The following PRDM16 variants were observed in gnomAD, a reference collection of about 807,000 sequenced individuals.
PRDM16 encodes PR/SET domain 16.
Under a neutral mutation model 110.6 loss-of-function variants are expected in PRDM16, and 23 were observed. The observed-to-expected ratio is 0.21, with a 90% CI of 0.15 to 0.29. The LOEUF is 0.29. Ranked by LOEUF, PRDM16 falls within the 10% of genes least tolerant of loss-of-function variation. The pLI is 1.00. For synonymous variants in PRDM16, 799 were observed against 781.8 expected (o/e 1.02, Z -0.37); for missense variants, 1,615 against 1,794.3 (o/e 0.90, Z 1.81).
Position 3,265,478 on chromosome 1 carries a change from G to A in PRDM16, c.438+21341G>A, listed in dbSNP as rs575451279. On this transcript the variant is annotated intron_variant, in intron 3 of 16. Transcript: ENST00000270722. This position sits in a 1 kb window ranked among gnomAD's most constrained non-coding sequence, Gnocchi z 4.5. ...GGACTTGGAGGCTTCCCGGTGGGAA[G>A]GTGAGTTGCCCTGCCTGCTTTTCGC... Among the ~76,000 whole-genome samples the A allele has an allele frequency of 1.3e-5, 2 of 152,070 alleles. No homozygotes were observed. The highest frequency in any genetic ancestry group is 2.9e-5 in the Non-Finnish European group (2 of 68,000).
At chr1:3,429,048 C>G (rs550987090) in intron 14 of PRDM16, among the ~76,000 whole-genome samples, 2 of 152,330 alleles carry the variant, frequency 1.3e-5, no homozygotes, top group East Asian at 3.9e-4. Flanking sequence ...ATAGGAGGGC[C>G]GAAGAGTGCC....
At chr1:3,281,908 G>T (rs1447020177) in intron 3 of PRDM16, among the ~76,000 whole-genome samples, 2 of 152,188 alleles carry the variant, frequency 1.3e-5, no homozygotes, top group Non-Finnish European at 1.5e-5. Flanking sequence ...GCCCCAGTCT[G>T]CCTGGAGCTG....
At chr1:3,126,707 G>C (rs1643216585) in intron 1 of PRDM16, among the ~76,000 whole-genome samples, 1 of 152,228 alleles carries the variant, frequency 6.6e-6, no homozygotes, top group Non-Finnish European at 1.5e-5. Flanking sequence ...TGAGGGAGGA[G>C]TAGACAGGAA....
chr1:3,435,957 CT>C lies in PRDM16; in HGVS notation c.*2147del, dbSNP rs1469114931. The C allele has an allele frequency of 4.3e-6, 1 of 230,696 alleles. No individual in the cohort carries two copies. Among genetic ancestry groups the C allele is most frequent in the African/African-American group, 2.2e-5 (1 of 45,186 alleles). The allele number at this position is 230,696 out of a possible 1,614,324, so 14.3% of individuals were successfully genotyped here. ...TGGCCCCGCCGGGGCAGCGGGGGAG[CT>C]GCCTGCAGAAGAGCCAGCTGGCGTG... On this transcript the variant is annotated 3_prime_UTR_variant, in exon 17 of 17. Coordinates refer to ENST00000270722, the MANE Select transcript of PRDM16 (RefSeq NM_022114.4).
chr1:3,173,653 C>T (rs1412971747), intron 1 of PRDM16, among the ~76,000 whole-genome samples: 2 of 152,228 alleles, frequency 1.3e-5, no homozygotes, highest in African/African-American at 2.4e-5. Context: ...GCCCCAGAGG[C>T]GTGGGCTGCG....
At chr1:3,307,856 G>C (rs1458057843) in intron 3 of PRDM16, 1 of 152,108 alleles carries the variant, frequency 6.6e-6, no homozygotes, top group African/African-American at 2.4e-5. Context: ...ACATACCAAG[G>C]CCACGTACAT....
chr1:3,126,892 G>C (rs1051957900), intron 1 of PRDM16, among the ~76,000 whole-genome samples: 2 of 152,230 alleles, frequency 1.3e-5, no homozygotes, highest in African/African-American at 4.8e-5. Context: ...CGGGCCCGCT[G>C]TCTGTTCCGG....
chr1:3,176,499 C>T (rs776755105), intron 1 of PRDM16, among the ~76,000 whole-genome samples: 2 of 151,424 alleles, frequency 1.3e-5, no homozygotes, highest in Non-Finnish European at 2.9e-5. Flanking sequence ...TCCATCCATC[C>T]ACCCACCCAT....
chr1:3,411,156 CACAG>C (rs1340950926), intron 8 of PRDM16, among the ~76,000 whole-genome samples: 3 of 152,188 alleles, frequency 2.0e-5, no homozygotes, highest in African/African-American at 7.2e-5. Flanking sequence ...CACTTACGCA[CACAG>C]ACACACATGC....
At chr1:3,254,706 A>G (rs1189307219) in intron 3 of PRDM16, among the ~76,000 whole-genome samples, 4 of 152,168 alleles carry the variant, frequency 2.6e-5, no homozygotes, top group Non-Finnish European at 5.9e-5. Flanking sequence ...AGGAAGAATC[A>G]ATATCGTGAA....
chr1:3,220,819 A>T (rs182768854), intron 2 of PRDM16, among the ~76,000 whole-genome samples: 113 of 152,270 alleles, frequency 7.4e-4, no homozygotes, highest in African/African-American at 2.6e-3. Context: ...TACAGTCTGC[A>T]TGGGGAAGCT....
intron 1 of PRDM16, among the ~76,000 whole-genome samples, chr1:3,181,343 C>CACAAGCAGTCTTACACAAGCAGTCTT (rs1644173883): frequency 7.4e-6 from 1 of 134,398 alleles, no homozygotes; most frequent in African/African-American, 2.8e-5. Flanking sequence ...AGCAGTCTTA[C>CACAAGCAGTCTTACACAAGCAGTCTT]ACACGGTCTT....
chr1:3,166,784 T>C (rs1263442484), intron 1 of PRDM16, among the ~76,000 whole-genome samples: 1 of 152,150 alleles, frequency 6.6e-6, no homozygotes, highest in Non-Finnish European at 1.5e-5. Context: ...TCTTTGCCTC[T>C]CTGAGTGGCC....
At position 3,412,327 on chromosome 1, in the gene PRDM16, G is replaced by A. The variant is rs193118666; in HGVS notation, c.2130G>A (p.Gly710=). The A allele has an allele frequency of 2.0e-4, 320 of 1,613,810 alleles. No homozygotes were observed. The African/African-American group carries it at 4.0e-3, about 20-fold the overall frequency. The change falls in exon 9 of 17, where the codon GGG becomes GGA. Residue 710 remains glycine, a synonymous_variant. Coordinates refer to ENST00000270722, the MANE Select transcript of PRDM16 (RefSeq NM_022114.4). ...AEKYFGPGFM[G]MQEKKLGSLP... is the part of the protein sequence containing the mutation. The stretch of plus-strand genomic sequence containing the variant: ...AGTACTTTGGCCCCGGCTTCATGGG[G>A]ATGCAGGAGAAGAAGCTGGGCTCGC...
chr1:3,371,824 G>C (rs1234409379), intron 3 of PRDM16, among the ~76,000 whole-genome samples: 1 of 152,228 alleles, frequency 6.6e-6, no homozygotes, highest in Non-Finnish European at 1.5e-5. Flanking sequence ...GTGCAAACTT[G>C]GGCCAATTAC....
chr1:3,110,988 C>T (rs1467251991), intron 1 of PRDM16, among the ~76,000 whole-genome samples: 1 of 152,198 alleles, frequency 6.6e-6, no homozygotes, highest in Admixed American at 6.5e-5. Context: ...GGAGCCATTG[C>T]CAGCCTAGCT....
At chr1:3,233,493 T>G (rs1019500238) in intron 2 of PRDM16, among the ~76,000 whole-genome samples, 2 of 152,214 alleles carry the variant, frequency 1.3e-5, no homozygotes, top group Non-Finnish European at 2.9e-5. Flanking sequence ...GGGCTCAGGC[T>G]GAGCATGGAA....
At chr1:3,128,492 C>T (rs1248122830) in intron 1 of PRDM16, among the ~76,000 whole-genome samples, 1 of 152,218 alleles carries the variant, frequency 6.6e-6, no homozygotes, top group African/African-American at 2.4e-5. Flanking sequence ...TGGCTCCGCA[C>T]CCAGGACCCT....
intron 3 of PRDM16, among the ~76,000 whole-genome samples, chr1:3,300,852 C>A (rs1175516661): frequency 7.9e-5 from 12 of 152,170 alleles, no homozygotes; most frequent in Admixed American, 7.9e-4. Context: ...GATCCCAGAC[C>A]CAGACTTTTG....
Sources: allele counts gnomAD v4.1 joint callset (sites outside exome capture counted in the v4.1 genomes callset), GRCh38; gene constraint gnomAD v4.1.1; non-coding constraint Gnocchi (gnomAD v3.1); transcripts MANE v1.5; gene names NCBI Gene and HGNC (gene_info 2026-07-23, HGNC 2026-07-21).